The following PDZD2 variants were observed in gnomAD, a reference collection of about 807,000 sequenced individuals.
PDZD2 encodes the protein PDZ domain-containing protein 2.
In PDZD2, 90 loss-of-function variants were observed where a neutral mutation model predicts 220.7. The ratio of observed to expected loss-of-function variants is 0.41; its 90% CI spans 0.34 to 0.49. The LOEUF (loss-of-function observed/expected upper bound fraction) is 0.49. Among genes scored for constraint, PDZD2 ranks in the 20% least tolerant of loss-of-function variants. The probability of loss-of-function intolerance (pLI) is 0.28; values close to 1 mark genes in which losing one functional copy is unlikely to be tolerated. For missense variants in PDZD2, 3,174 were observed against 3,608.5 expected (o/e 0.88, Z 3.08); for synonymous variants, 1,375 against 1,450.5 (o/e 0.95, Z 1.18).
intron 21 of PDZD2, among the ~76,000 whole-genome samples, chr5:32,096,153 C>T (rs1332716545): frequency 6.6e-6 from 1 of 152,110 alleles, no homozygotes; most frequent in African/African-American, 2.4e-5. Flanking sequence ...TGGACAAAGA[C>T]CATTTACTGG....
At chr5:31,899,303 T>C (rs932109067) in intron 2 of PDZD2, among the ~76,000 whole-genome samples, 1 of 152,112 alleles carries the variant, frequency 6.6e-6, no homozygotes, top group Admixed American at 6.6e-5. Flanking sequence ...GCTAGTTTTT[T>C]TGTATTTTTA....
intron 1 of PDZD2, among the ~76,000 whole-genome samples, chr5:31,692,622 T>C (rs1747189010): frequency 6.6e-6 from 1 of 152,246 alleles, no homozygotes; most frequent in Non-Finnish European, 1.5e-5. Flanking sequence ...TCCAGCATTG[T>C]CAGGCCCTTG....
intron 2 of PDZD2, among the ~76,000 whole-genome samples, chr5:31,895,383 CCT>C (rs1003350857): frequency 9.9e-5 from 15 of 152,132 alleles, no homozygotes; most frequent in African/African-American, 3.4e-4. Context: ...CTCCTTATCT[CCT>C]CTGTCATGTG....
chr5:31,802,567 T>C (rs762559689), intron 2 of PDZD2, among the ~76,000 whole-genome samples: 3 of 152,188 alleles, frequency 2.0e-5, no homozygotes, highest in Non-Finnish European at 2.9e-5. Context: ...GATTCGTTAA[T>C]TGTTACAACT....
chr5:31,669,025 C>T (rs766371403), intron 1 of PDZD2, among the ~76,000 whole-genome samples: 2 of 152,096 alleles, frequency 1.3e-5, no homozygotes, highest in African/African-American at 2.4e-5. Context: ...GGTGACTTTG[C>T]CCCAGGGGAC....
chr5:31,935,915 C>T (rs1219458800), intron 2 of PDZD2, among the ~76,000 whole-genome samples: 1 of 152,206 alleles, frequency 6.6e-6, no homozygotes, highest in Non-Finnish European at 1.5e-5. Flanking sequence ...AGGAGGAAGC[C>T]ATGCATGATG....
chr5:31,690,602 A>G (rs1192964371), intron 1 of PDZD2, among the ~76,000 whole-genome samples: 5 of 151,978 alleles, frequency 3.3e-5, no homozygotes, highest in African/African-American at 1.2e-4. Flanking sequence ...AGATCACTCT[A>G]GTGTCTGCCT....
intron 1 of PDZD2, among the ~76,000 whole-genome samples, chr5:31,685,973 G>T (rs1252337298): frequency 6.6e-6 from 1 of 152,094 alleles, no homozygotes; most frequent in Non-Finnish European, 1.5e-5. Context: ...GGCCAAGGTG[G>T]GCGGATCACA....
At chr5:31,827,081 C>T (rs1414745336) in intron 2 of PDZD2, among the ~76,000 whole-genome samples, 1 of 152,162 alleles carries the variant, frequency 6.6e-6, no homozygotes, top group Non-Finnish European at 1.5e-5. Context: ...GGCATCCTGG[C>T]CAGGGAACCT....
chr5:32,002,252 G>A (rs1752189818), intron 5 of PDZD2, among the ~76,000 whole-genome samples: 1 of 152,116 alleles, frequency 6.6e-6, no homozygotes, highest in African/African-American at 2.4e-5. Flanking sequence ...GGCAGGAAGA[G>A]GGGGCGTCTG....
In PDZD2 at chr5:32,108,960, T is replaced by TTACAACTAG; in HGVS notation, c.*827_*835dup. On this transcript the variant is annotated 3_prime_UTR_variant, in exon 25 of 25. Coordinates refer to ENST00000438447, the MANE Select transcript of PDZD2 (RefSeq NM_178140.4). ...AGAAAGGTCAACATCTAAAAGCACC[T>TTACAACTAG]TACAACTAGTTTTTGAACCTGTCTT... 1 of 152,752 alleles carries TTACAACTAG rather than the reference T, an allele frequency of 6.5e-6. No homozygotes were observed. The highest frequency in any genetic ancestry group is 6.5e-5 in the Admixed American group (1 of 15,300). The allele number at this position is 152,752 out of a possible 1,614,324, so 9.5% of individuals were successfully genotyped here.
chr5:32,004,411 C>A (rs1752647741), intron 5 of PDZD2, among the ~76,000 whole-genome samples: 1 of 152,080 alleles, frequency 6.6e-6, no homozygotes, highest in South Asian at 2.1e-4. Context: ...AATAGTGAGA[C>A]CTCTTCTCTA....
At chr5:31,968,220 T>C (rs950914263) in intron 2 of PDZD2, among the ~76,000 whole-genome samples, 6 of 152,100 alleles carry the variant, frequency 3.9e-5, no homozygotes, top group Admixed American at 3.9e-4. Flanking sequence ...TAGCCAGGCG[T>C]GGTGGTGCAT....
chr5:31,931,242 C>T (rs1294924585), intron 2 of PDZD2, among the ~76,000 whole-genome samples: 1 of 152,134 alleles, frequency 6.6e-6, no homozygotes, highest in Non-Finnish European at 1.5e-5. Context: ...AGGCTGGTTT[C>T]GAACGCCTGA....
At chr5:32,055,252 A>T (rs568376173) in intron 10 of PDZD2, among the ~76,000 whole-genome samples, 93 of 152,246 alleles carry the variant, frequency 6.1e-4, no homozygotes, top group African/African-American at 2.2e-3. Context: ...TCCAGGCTGG[A>T]GTGCAGTGGT....
intron 7 of PDZD2, among the ~76,000 whole-genome samples, chr5:32,041,054 C>T (rs564761524): frequency 4.2e-4 from 63 of 148,480 alleles, no homozygotes; most frequent in Middle Eastern, 3.6e-3. Flanking sequence ...GCAGCCGCCC[C>T]GTCTGGGAAG....
chr5:31,686,514 C>T (rs1198909063), intron 1 of PDZD2, among the ~76,000 whole-genome samples: 1 of 152,002 alleles, frequency 6.6e-6, no homozygotes, highest in African/African-American at 2.4e-5. Flanking sequence ...CAGGCACCCA[C>T]CACCACACCT....
intron 6 of PDZD2, among the ~76,000 whole-genome samples, chr5:32,016,289 G>T (rs1458242588): frequency 1.3e-5 from 2 of 152,092 alleles, no homozygotes; most frequent in Non-Finnish European, 2.9e-5. Flanking sequence ...AAATGTGTCC[G>T]GGCAGTAAGG....
chr5:32,020,759 C>T (rs1038463687), intron 6 of PDZD2, among the ~76,000 whole-genome samples: 2 of 151,884 alleles, frequency 1.3e-5, no homozygotes, highest in African/African-American at 4.8e-5. Flanking sequence ...ATTCTCCTGC[C>T]TCAGCCTCCC....
Sources: allele counts gnomAD v4.1 joint callset (sites outside exome capture counted in the v4.1 genomes callset), GRCh38; gene constraint gnomAD v4.1.1; transcripts MANE v1.5; gene names NCBI Gene and HGNC (gene_info 2026-07-23, HGNC 2026-07-21).